Variants in CSMD1 observed in about 807,000 individuals in gnomAD.
The protein encoded by CSMD1 is CUB and Sushi multiple domains 1.
In CSMD1, 213 loss-of-function variants were observed where a neutral mutation model predicts 417.5. The observed-to-expected ratio is 0.51, with a 90% CI of 0.46 to 0.57. CSMD1 has a LOEUF of 0.57. CSMD1 is among the 20% of genes least tolerant of loss of function. The pLI is 0.00. For missense variants in CSMD1, 6,923 were observed against 4,529.7 expected (o/e 1.53, Z -15.17); for synonymous variants, 2,862 against 1,736.8 (o/e 1.65, Z -16.11).
At chr8:4,086,317 C>A (rs570623048) in intron 3 of CSMD1, among the ~76,000 whole-genome samples, 2 of 152,240 alleles carry the variant, frequency 1.3e-5, no homozygotes, top group South Asian at 2.1e-4. Flanking sequence ...ACAGAAGTTC[C>A]AAAGCCTTTT....
intron 7 of CSMD1, among the ~76,000 whole-genome samples, chr8:3,638,649 C>A (rs1217160238): frequency 6.6e-6 from 1 of 152,100 alleles, no homozygotes; most frequent in Non-Finnish European, 1.5e-5. Flanking sequence ...GAAACATGGG[C>A]AAGATGTACC....
chr8:4,594,256 T>G (rs1396223074), intron 2 of CSMD1, among the ~76,000 whole-genome samples: 5 of 139,002 alleles, frequency 3.6e-5, no homozygotes, highest in Non-Finnish European at 7.6e-5. Context: ...CAGGCTGGAG[T>G]GCAGTGGCGT....
At chr8:4,698,598 AT>A (rs3990377) in intron 1 of CSMD1, among the ~76,000 whole-genome samples, 389 of 145,882 alleles carry the variant, frequency 2.7e-3, no homozygotes, top group Non-Finnish European at 3.8e-3. Context: ...AATGATAGAA[AT>A]TTTTTTTTTT....
chr8:4,791,824 C>G (rs1026884631), intron 1 of CSMD1, among the ~76,000 whole-genome samples: 4 of 151,984 alleles, frequency 2.6e-5, no homozygotes, highest in African/African-American at 4.8e-5. Flanking sequence ...TGACACTGAC[C>G]TACAAAATTC....
At chr8:3,405,379 T>G (rs1322638707) in intron 15 of CSMD1, among the ~76,000 whole-genome samples, 3 of 152,166 alleles carry the variant, frequency 2.0e-5, no homozygotes, top group Non-Finnish European at 4.4e-5. Context: ...CTCTCTATAT[T>G]TATTAGATAA....
At chr8:4,025,452 T>C in intron 4 of CSMD1, among the ~76,000 whole-genome samples, 1 of 152,358 alleles carries the variant, frequency 6.6e-6, no homozygotes, top group South Asian at 2.1e-4. Flanking sequence ...AATAATAAAG[T>C]ATGGGAAACA....
chr8:4,200,296 A>G (rs1799572408), intron 3 of CSMD1, among the ~76,000 whole-genome samples: 1 of 152,144 alleles, frequency 6.6e-6, no homozygotes, highest in Non-Finnish European at 1.5e-5. Context: ...TTTTTTTGTT[A>G]ATTATGCTTA....
rs561605055 is a variant in CSMD1 at position 3,878,321 on chromosome 8, C to G, written c.818+119582G>C. ...CTCCCAGTGTATAATATTCTCTACA[C>G]TATTCTTTAAAATATTCTTACACGT... On this transcript the variant is annotated intron_variant, in intron 5 of 69. Coordinates refer to ENST00000635120, the MANE Select transcript of CSMD1 (RefSeq NM_033225.6). Among the ~76,000 whole-genome samples, 156 of 152,236 alleles carry G rather than the reference C, an allele frequency of 1.0e-3. 1 individual carries two copies. Among genetic ancestry groups the G allele is most frequent in the African/African-American group, 1.1e-3 (45 of 41,552 alleles).
intron 12 of CSMD1, among the ~76,000 whole-genome samples, chr8:3,451,671 C>G (rs1019308270): frequency 1.3e-5 from 2 of 152,048 alleles, no homozygotes; most frequent in Non-Finnish European, 2.9e-5. Flanking sequence ...TTCCATTGGT[C>G]TATATCTCTG....
intron 41 of CSMD1, among the ~76,000 whole-genome samples, chr8:3,140,394 G>A (rs1818367017): frequency 6.6e-6 from 1 of 152,040 alleles, no homozygotes; most frequent in African/African-American, 2.4e-5. Flanking sequence ...AGTAGGGAAT[G>A]ATTAGTGAGT....
chr8:3,726,093 C>G (rs1802478705), intron 6 of CSMD1, among the ~76,000 whole-genome samples: 1 of 152,130 alleles, frequency 6.6e-6, no homozygotes, highest in Admixed American at 6.5e-5. Context: ...CAAGCAGCCA[C>G]CGGGAATGCC....
At chr8:4,454,073 C>A (rs1353375698) in intron 2 of CSMD1, among the ~76,000 whole-genome samples, 2 of 152,080 alleles carry the variant, frequency 1.3e-5, no homozygotes, top group Non-Finnish European at 2.9e-5. Flanking sequence ...CCGCCCGCCT[C>A]GGCCTCCCTA....
At chr8:3,301,477 TGAG>T (rs979546523) in intron 25 of CSMD1, among the ~76,000 whole-genome samples, 1 of 152,088 alleles carries the variant, frequency 6.6e-6, no homozygotes, top group African/African-American at 2.4e-5. Flanking sequence ...AGAGAAATGA[TGAG>T]ATCAGGGAAC....
intron 2 of CSMD1, among the ~76,000 whole-genome samples, chr8:4,530,912 A>G (rs1479488512): frequency 6.6e-6 from 1 of 151,970 alleles, no homozygotes; most frequent in East Asian, 1.9e-4. Flanking sequence ...ACTACAGCTG[A>G]GCTTCGTTAA....
At chr8:3,779,181 G>GTGTC (rs1406105236) in intron 5 of CSMD1, among the ~76,000 whole-genome samples, 1 of 150,150 alleles carries the variant, frequency 6.7e-6, no homozygotes, top group Non-Finnish European at 1.5e-5. Context: ...GTGTGTGTGT[G>GTGTC]TGTATGTGCA....
Position 4,032,114 on chromosome 8 carries a change from AAAG to A in CSMD1, c.416-18_416-16del. The A allele has an allele frequency of 6.3e-7, 1 of 1,577,962 alleles. No individual in the cohort carries two copies. The highest frequency in any genetic ancestry group is 8.6e-7 in the Non-Finnish European group (1 of 1,156,202). On this transcript the variant is annotated splice_polypyrimidine_tract_variant and intron_variant, in intron 3 of 69. Transcript: ENST00000635120. ...GCTAGGTAAAACTATTGGAAAAAGA[AAAG>A]AAAGGAGAAAAAACAAGTTAAATTT...
At chr8:2,950,123 G>A (rs2128918802) in intron 67 of CSMD1, 108 bp downstream of exon 67, 5 of 700,718 alleles carry the variant, frequency 7.1e-6, no homozygotes, top group South Asian at 3.9e-5. Flanking sequence ...TCAAGGGGCA[G>A]ACACAAGACA....
chr8:3,914,508 A>C (rs1808680890), intron 5 of CSMD1, among the ~76,000 whole-genome samples: 1 of 152,194 alleles, frequency 6.6e-6, no homozygotes, highest in South Asian at 2.1e-4. Flanking sequence ...ATCTGTGTAA[A>C]GTTTAATTTT....
chr8:4,493,124 G>A (rs749818054), intron 2 of CSMD1, among the ~76,000 whole-genome samples: 10 of 152,056 alleles, frequency 6.6e-5, no homozygotes, highest in Non-Finnish European at 1.0e-4. Flanking sequence ...GACCTGCTCT[G>A]GTACCGTAAG....
Sources: gnomAD v4.1 joint callset for allele counts (sites outside exome capture counted in the v4.1 genomes callset) on GRCh38, gnomAD v4.1.1 for gene constraint, MANE v1.5 for transcripts, NCBI Gene and HGNC (gene_info 2026-07-23, HGNC 2026-07-21) for gene names.